Variants in HSPA12A observed in about 807,000 individuals in gnomAD.
The protein encoded by HSPA12A is heat shock 70 kDa protein 12A.
A neutral mutation model predicts 69.2 loss-of-function variants in HSPA12A; 28 were observed. The observed-to-expected ratio is 0.40, with a 90% CI of 0.30 to 0.55. The LOEUF (loss-of-function observed/expected upper bound fraction) is 0.55, where lower values mean the gene tolerates loss of function less well. Ranked by LOEUF, HSPA12A falls within the 20% of genes least tolerant of loss-of-function variation. The probability of loss-of-function intolerance (pLI) is 0.38; values close to 1 mark genes in which losing one functional copy is unlikely to be tolerated. For missense variants in HSPA12A, 686 were observed against 900.7 expected (o/e 0.76, Z 3.05); for synonymous variants, 345 against 370.5 (o/e 0.93, Z 0.79).
At chr10:116,806,021 AC>A (rs1397084313) in intron 2 of HSPA12A, among the ~76,000 whole-genome samples, 1 of 152,082 alleles carries the variant, frequency 6.6e-6, no homozygotes, top group Non-Finnish European at 1.5e-5. Context: ...TCCTTGGGCC[AC>A]CTCTGTGATG....
At chr10:116,836,736 G>A (rs1449631176) in intron 1 of HSPA12A, among the ~76,000 whole-genome samples, 1 of 151,140 alleles carries the variant, frequency 6.6e-6, no homozygotes, top group East Asian at 1.9e-4. Flanking sequence ...TATATGGTAT[G>A]ATTTTAGTGT....
At chr10:116,737,808 T>G (rs1192412399) in intron 1 of HSPA12A, among the ~76,000 whole-genome samples, 1 of 152,160 alleles carries the variant, frequency 6.6e-6, no homozygotes, top group Non-Finnish European at 1.5e-5. Flanking sequence ...CAGAGCAGCA[T>G]CTGCAAAGCT....
intron 1 of HSPA12A, among the ~76,000 whole-genome samples, chr10:116,734,505 C>T (rs1479519900): frequency 6.6e-6 from 1 of 151,588 alleles, no homozygotes; most frequent in African/African-American, 2.4e-5. Flanking sequence ...ACACCCATAC[C>T]CATCATTTTC....
At chr10:116,679,138 G>C (rs578056500) in intron 10 of HSPA12A, among the ~76,000 whole-genome samples, 7 of 152,288 alleles carry the variant, frequency 4.6e-5, no homozygotes, top group Non-Finnish European at 1.0e-4. Flanking sequence ...AGCACCTACT[G>C]CATACCAGGT....
intron 1 of HSPA12A, among the ~76,000 whole-genome samples, chr10:116,707,696 G>A (rs1850301053): frequency 6.6e-6 from 1 of 152,208 alleles, no homozygotes; most frequent in Admixed American, 6.5e-5. Flanking sequence ...TTTCTTGGAA[G>A]AGCATCTACA....
At position 116,679,657 on chromosome 10, in the gene HSPA12A, C is replaced by T. The variant is rs1849347126; in HGVS notation, c.1132G>A (p.Ala378Thr). The change falls in exon 10 of 12, where the codon GCC (alanine) becomes ACC (threonine). Residue 378 changes from alanine to threonine, a missense_variant. Transcript: ENST00000369209. ...AACGCAATCATTAAGTCAACCCAGGCTGCAGGGCGTTTGATTTTGAATTGT... is the reference window on the plus strand; with the variant it reads ...AACGCAATCATTAAGTCAACCCAGGTTGCAGGGCGTTTGATTTTGAATTGT... Reference protein sequence around the residue: ...IEQFKIKRPAAWVDLMIAFES... With the variant: ...IEQFKIKRPATWVDLMIAFES... The T allele has an allele frequency of 6.2e-7, 1 of 1,614,254 alleles. No individual in the cohort carries two copies.
chr10:116,726,638 C>A (rs1262686692), intron 1 of HSPA12A, among the ~76,000 whole-genome samples: 1 of 152,152 alleles, frequency 6.6e-6, no homozygotes, highest in Non-Finnish European at 1.5e-5. Flanking sequence ...GGGGGCTGCC[C>A]CTCAACACTC....
At chr10:116,846,715 A>C (rs1845894523) in intron 1 of HSPA12A, among the ~76,000 whole-genome samples, 1 of 152,218 alleles carries the variant, frequency 6.6e-6, no homozygotes, top group Admixed American at 6.5e-5. Context: ...ATACTATCAA[A>C]ATATGAAAAG....
intron 2 of HSPA12A, among the ~76,000 whole-genome samples, chr10:116,823,430 A>G (rs1036344298): frequency 9.9e-5 from 15 of 152,212 alleles, no homozygotes; most frequent in African/African-American, 3.6e-4. Flanking sequence ...CAAGGGACAC[A>G]GAATAAACAA....
exon 1 of HSPA12A, chr10:116,849,703 T>A: frequency 6.5e-7 from 1 of 1,538,756 alleles, no homozygotes; most frequent in Non-Finnish European, 8.8e-7. Context: ...ACCTTCTACC[T>A]CCAGCCTGCC....
intron 1 of HSPA12A, among the ~76,000 whole-genome samples, chr10:116,737,057 C>A (rs1467621180): frequency 6.6e-6 from 1 of 152,164 alleles, no homozygotes; most frequent in Non-Finnish European, 1.5e-5. Context: ...TCATTTAATT[C>A]TCATAAAGGC....
At chr10:116,826,474 G>A (rs1845507924) in intron 2 of HSPA12A, among the ~76,000 whole-genome samples, 1 of 152,188 alleles carries the variant, frequency 6.6e-6, no homozygotes. Context: ...AAGTTTCTGA[G>A]AGTCTGAGCC....
intron 2 of HSPA12A, among the ~76,000 whole-genome samples, chr10:116,802,216 A>G (rs936585555): frequency 2.0e-5 from 3 of 152,100 alleles, no homozygotes; most frequent in Non-Finnish European, 4.4e-5. Flanking sequence ...TCTAGAAATA[A>G]ACTGAATCTC....
At chr10:116,814,299 C>A (rs1230331683) in intron 2 of HSPA12A, among the ~76,000 whole-genome samples, 1 of 152,142 alleles carries the variant, frequency 6.6e-6, no homozygotes, top group African/African-American at 2.4e-5. Flanking sequence ...GACATAAAGT[C>A]ACACATGGAA....
At chr10:116,707,403 A>G (rs1467087849) in intron 1 of HSPA12A, 118 bp from the exon 2 acceptor site, 3 of 773,190 alleles carry the variant, frequency 3.9e-6, no homozygotes, top group Non-Finnish European at 6.5e-6. Context: ...AAGCCAGCTC[A>G]CGAAATGGGC....
intron 1 of HSPA12A, among the ~76,000 whole-genome samples, chr10:116,732,629 C>T (rs181347086): frequency 3.4e-4 from 52 of 152,354 alleles, no homozygotes; most frequent in African/African-American, 1.2e-3. Flanking sequence ...GCTGGGCCTG[C>T]GGCTCCACCA....
In HSPA12A at chr10:116,769,988, C is replaced by T. The variant is rs146168425; in HGVS notation, c.92-62703G>A. Among the ~76,000 whole-genome samples, 342 of 152,292 alleles carry T rather than the reference C, an allele frequency of 2.2e-3. 3 individuals are homozygous for T. The highest frequency in any genetic ancestry group is 7.6e-3 in the African/African-American group (317 of 41,556). ...CAGGGAAGGCTGCAAGAAGCGATGA[C>T]GCCACAGAGCTCCAAGGTCATTTGG... is the stretch of plus-strand genomic sequence containing the variant. On this transcript the variant is annotated intron_variant, in intron 2 of 12. Transcript: ENST00000635765.
Position 116,671,803 on chromosome 10 carries a change from T to C in HSPA12A, c.*2978A>G, listed in dbSNP as rs933327619. On this transcript the variant is annotated 3_prime_UTR_variant, in exon 12 of 12. Coordinates refer to ENST00000369209, the MANE Select transcript of HSPA12A (RefSeq NM_025015.3). ...AGATCAGATAATATGCCAGGGACAA[T>C]TGAGTAATGGGTCAAGACAACAGGC... 5 of 152,608 alleles carry C rather than the reference T, an allele frequency of 3.3e-5. No homozygotes were observed. Among genetic ancestry groups the C allele is most frequent in the Non-Finnish European group, 7.3e-5 (5 of 68,030 alleles). 9.5% of individuals were successfully genotyped at this position (152,608 alleles called of 1,614,324 possible). A position where few individuals can be genotyped will look rare whatever the true frequency, so the allele number is the denominator to read the frequency against.
chr10:116,841,596 G>A (rs1219942529), intron 1 of HSPA12A, among the ~76,000 whole-genome samples: 1 of 152,004 alleles, frequency 6.6e-6, no homozygotes, highest in Non-Finnish European at 1.5e-5. Context: ...TTAAATAATT[G>A]TGGAAGTACA....
Sources: allele counts gnomAD v4.1 joint callset (sites outside exome capture counted in the v4.1 genomes callset), GRCh38; gene constraint gnomAD v4.1.1; transcripts MANE v1.5; gene names NCBI Gene and HGNC (gene_info 2026-07-23, HGNC 2026-07-21).